The following CLVS1 variants were observed in gnomAD, a reference collection of about 807,000 sequenced individuals.
The protein encoded by CLVS1 is clavesin-1.
A neutral mutation model predicts 33.1 loss-of-function variants in CLVS1; 10 were observed. The ratio of observed to expected loss-of-function variants is 0.30; its 90% CI spans 0.19 to 0.51. CLVS1 has a LOEUF of 0.51. Ranked by LOEUF, CLVS1 falls within the 20% of genes least tolerant of loss-of-function variation. The probability of loss-of-function intolerance (pLI) is 0.97; values close to 1 mark genes in which losing one functional copy is unlikely to be tolerated. For synonymous variants in CLVS1, 163 were observed against 166.1 expected, an observed-to-expected ratio of 0.98 and a Z score of 0.14; for missense variants, 343 against 433.4, an observed-to-expected ratio of 0.79 and a Z score of 1.85.
intron 4 of CLVS1, 104 bp downstream of exon 4, chr8:61,454,355 C>T (rs1817073707): frequency 1.2e-6 from 1 of 864,566 alleles, no homozygotes; most frequent in Admixed American, 1.9e-5. Flanking sequence ...CTCTTTCTCT[C>T]TTTATCTTTC....
chr8:61,009,442 C>T, the CLVS1 span, among the ~76,000 whole-genome samples: 56 of 152,286 alleles, frequency 3.7e-4, no homozygotes, highest in African/African-American at 1.3e-3. Flanking sequence ...GTCACTGTGC[C>T]TGGCAAATTG....
At chr8:61,166,860 T>G (rs1023592606) in intron 2 of CLVS1, among the ~76,000 whole-genome samples, 9 of 150,368 alleles carry the variant, frequency 6.0e-5, no homozygotes, top group Non-Finnish European at 1.2e-4. Flanking sequence ...TAAAAGGTAA[T>G]GCTTAGGTCA....
At chr8:61,316,271 C>A (rs1259195813) in intron 2 of CLVS1, among the ~76,000 whole-genome samples, 1 of 152,176 alleles carries the variant, frequency 6.6e-6, no homozygotes, top group East Asian at 1.9e-4. Context: ...CTGGTTTATT[C>A]TTAACCCGAG....
At chr8:61,462,084 T>C (rs904308386) in intron 5 of CLVS1, among the ~76,000 whole-genome samples, 10 of 152,168 alleles carry the variant, frequency 6.6e-5, no homozygotes, top group Admixed American at 6.5e-4. Context: ...AGAGACTTAG[T>C]TGGGAAGATG....
chr8:61,178,466 G>A lies in CLVS1; in HGVS notation c.-152+46606G>A, dbSNP rs150430672. Among the ~76,000 whole-genome samples, 661 of 152,212 alleles carry A rather than the reference G, an allele frequency of 4.3e-3. 4 individuals are homozygous for A. Among genetic ancestry groups the A allele is most frequent in the African/African-American group, 0.014 (592 of 41,512 alleles). On this transcript the variant is annotated intron_variant, in intron 2 of 2. Coordinates refer to the CLVS1 transcript ENST00000522621. ...GAACTTCCCCAACCTAGTAAGACAG[G>A]CCAACATTCAAATTCAGGAAATACA...
At chr8:61,147,538 C>G (rs1806444527) in intron 2 of CLVS1, among the ~76,000 whole-genome samples, 2 of 152,198 alleles carry the variant, frequency 1.3e-5, no homozygotes, top group South Asian at 4.1e-4. Context: ...AGGTGTAACT[C>G]TATTTAATTC....
the CLVS1 span, among the ~76,000 whole-genome samples, chr8:61,001,843 C>T: frequency 1.3e-5 from 2 of 152,256 alleles, no homozygotes; most frequent in African/African-American, 4.8e-5. Flanking sequence ...CCATCGTTGC[C>T]TATTGAAATC....
chr8:61,301,824 T>C (rs59448014), intron 2 of CLVS1, among the ~76,000 whole-genome samples: 40,114 of 152,072 alleles, frequency 0.26, 7,797 homozygotes, highest in East Asian at 0.84. Context: ...CGACTGCAGG[T>C]TCCTTGAGGG....
chr8:61,129,267 C>CTT (rs1806039264), intron 1 of CLVS1, among the ~76,000 whole-genome samples: 1 of 152,150 alleles, frequency 6.6e-6, no homozygotes, highest in Non-Finnish European at 1.5e-5. Flanking sequence ...AGAGTGGAAA[C>CTT]TTTTCCTGTG....
At chr8:61,269,846 T>C (rs1809396970) in intron 2 of CLVS1, among the ~76,000 whole-genome samples, 2 of 150,970 alleles carry the variant, frequency 1.3e-5, no homozygotes, top group Admixed American at 1.3e-4. Context: ...ATGCTTGTGA[T>C]TTTTGTACAT....
chr8:61,207,102 C>T (rs1423391377), intron 2 of CLVS1, among the ~76,000 whole-genome samples: 1 of 152,034 alleles, frequency 6.6e-6, no homozygotes, highest in Non-Finnish European at 1.5e-5. Flanking sequence ...AGGGGAGATA[C>T]AAAATGCCTT....
the CLVS1 span, among the ~76,000 whole-genome samples, chr8:60,976,945 G>C: frequency 1.3e-5 from 2 of 152,196 alleles, no homozygotes; most frequent in Non-Finnish European, 2.9e-5. Flanking sequence ...AACCCCCATG[G>C]GCTAAAGCAG....
intron 2 of CLVS1, among the ~76,000 whole-genome samples, chr8:61,276,235 C>T (rs1809559959): frequency 6.6e-6 from 1 of 152,166 alleles, no homozygotes; most frequent in African/African-American, 2.4e-5. Flanking sequence ...CAACCAGTTG[C>T]CATCAATATC....
Position 61,299,909 on chromosome 8 carries a change from G to T in CLVS1, c.82G>T (p.Ala28Ser). Residue 28 changes from alanine (A) to serine (S), a missense_variant, in exon 2 of 6, where the codon GCT becomes TCT. Physicochemically the swap from Ala to Ser is moderately conservative, Grantham distance 99. Coordinates refer to ENST00000325897, the MANE Select transcript of CLVS1 (RefSeq NM_173519.3). Reference sequence around the variant, plus strand: ...TTTGGCCAAGATGACCCATTTACAGGCTGGACTCAGTCCAGAGACTATAGA... The same window carrying T: ...TTTGGCCAAGATGACCCATTTACAGTCTGGACTCAGTCCAGAGACTATAGA... ...GDLAKMTHLQ[A>S]GLSPETIEKA... The T allele has an allele frequency of 6.2e-7, 1 of 1,613,864 alleles. No homozygotes were observed. The highest frequency in any genetic ancestry group is 8.5e-7 in the Non-Finnish European group (1 of 1,179,840).
chr8:61,461,460 G>T (rs1817362596), intron 5 of CLVS1, among the ~76,000 whole-genome samples: 1 of 152,130 alleles, frequency 6.6e-6, no homozygotes, highest in African/African-American at 2.4e-5. Flanking sequence ...ATTGTGTTCA[G>T]ACATGCTATA....
intron 1 of CLVS1, among the ~76,000 whole-genome samples, chr8:61,090,342 G>A (rs145559016): frequency 3.3e-5 from 5 of 152,206 alleles, no homozygotes; most frequent in South Asian, 2.1e-4. Flanking sequence ...TCCTGTCCAC[G>A]CTGTCTGTGT....
chr8:61,260,199 G>C (rs1355712359), intron 2 of CLVS1, among the ~76,000 whole-genome samples: 1 of 152,094 alleles, frequency 6.6e-6, no homozygotes, highest in Non-Finnish European at 1.5e-5. Context: ...TTGCTTATTT[G>C]CATGCCATTC....
At chr8:61,387,847 A>AT (rs1409909895) in intron 3 of CLVS1, among the ~76,000 whole-genome samples, 4 of 152,150 alleles carry the variant, frequency 2.6e-5, no homozygotes, top group Non-Finnish European at 4.4e-5. Flanking sequence ...TGGTATACAT[A>AT]TATCACATTT....
chr8:61,216,872 C>A (rs756640572), intron 2 of CLVS1, among the ~76,000 whole-genome samples: 9 of 152,068 alleles, frequency 5.9e-5, no homozygotes, highest in Non-Finnish European at 1.2e-4. Context: ...AGTATATAGT[C>A]TTTGAAAACA....
Sources: allele counts gnomAD v4.1 joint callset (sites outside exome capture counted in the v4.1 genomes callset), GRCh38; gene constraint gnomAD v4.1.1; transcripts MANE v1.5; gene names NCBI Gene and HGNC (gene_info 2026-07-23, HGNC 2026-07-21).